The following IL17RA variants were observed in gnomAD, a reference collection of about 807,000 sequenced individuals.
The protein encoded by IL17RA is interleukin 17 receptor A.
Under a neutral mutation model 50.4 loss-of-function variants are expected in IL17RA, and 34 were observed. The observed-to-expected ratio is 0.67, with a 90% CI of 0.51 to 0.90. The LOEUF (loss-of-function observed/expected upper bound fraction) is 0.90, where lower values mean the gene tolerates loss of function less well. Among genes scored for constraint, IL17RA ranks in the 40% least tolerant of loss-of-function variants. The pLI is 0.00. For missense variants in IL17RA, 1,276 were observed against 1,169.8 expected, an observed-to-expected ratio of 1.09 and a Z score of -1.32; for synonymous variants, 585 against 510.4, an observed-to-expected ratio of 1.15 and a Z score of -1.97.
In IL17RA at chr22:17,105,571, T is replaced by C. The variant is rs2061410522; in HGVS notation, c.932-20T>C. ...GGGTTAAGAATGCTATTTTCCCTTTTTCCTCTGTTCTCATTGCAGAACCAA... is the reference window on the plus strand; with the variant it reads ...GGGTTAAGAATGCTATTTTCCCTTTCTCCTCTGTTCTCATTGCAGAACCAA... On this transcript the variant is annotated intron_variant, in intron 9 of 12. Coordinates refer to ENST00000319363, the MANE Select transcript of IL17RA (RefSeq NM_014339.7). The C allele has an allele frequency of 3.1e-6, 5 of 1,610,880 alleles. No homozygotes were observed. The Admixed American group carries it at 6.7e-5, about 21-fold the overall frequency.
rs1298128127 is a variant in IL17RA at position 17,109,561 on chromosome 22, C to A, written c.2342C>A (p.Pro781His). Residue 781 changes from proline to histidine, a missense_variant, in exon 13 of 13, where the codon CCC becomes CAC. Transcript: ENST00000319363. The stretch of plus-strand genomic sequence containing the variant: ...ATGGTCCTCACAGACCCACACACGC[C>A]CTACGAGGAGGAGCAGCGGCAGTCA... ...PAMVLTDPHT[P>H]YEEEQRQSVQ... 4 of 1,600,180 alleles carry A rather than the reference C, an allele frequency of 2.5e-6. No homozygotes were observed. In the South Asian group the frequency reaches 4.5e-5, roughly 18 times the overall value.
rs2061343463 is a variant in IL17RA at position 17,090,232 on chromosome 22, C to T, written c.138+5003C>T. ...GAGATGGGGTTTCACCGTTGTTGGC[C>T]AGGCCAGTCTCGAACTCCTGAGCTC... is the stretch of plus-strand genomic sequence containing the variant. On this transcript the variant is annotated intron_variant, in intron 1 of 12. Transcript: ENST00000319363. Among the ~76,000 whole-genome samples, 4 of 152,262 alleles carry T rather than the reference C, an allele frequency of 2.6e-5. No individual in the cohort carries two copies. The South Asian group carries it at 8.3e-4, about 32-fold the overall frequency.
At position 17,113,629 on chromosome 22, in the gene IL17RA, G is replaced by A. The variant is rs117367558; in HGVS notation, c.*3809G>A. 3.9e-5 allele frequency: 6 copies of A among 152,440 alleles called. No individual in the cohort carries two copies. The highest frequency in any genetic ancestry group is 8.8e-5 in the Non-Finnish European group (6 of 68,086). The allele number at this position is 152,440 out of a possible 1,614,324, so 9.4% of individuals were successfully genotyped here. A position where few individuals can be genotyped will look rare whatever the true frequency, so the allele number is the denominator to read the frequency against. ...GCTCCCCTTCCTAAATAAATGAGGT[G>A]TATGCAGGGCCCTCTTCTGCCTTAG... On this transcript the variant is annotated 3_prime_UTR_variant, in exon 13 of 13. Coordinates refer to ENST00000319363, the MANE Select transcript of IL17RA (RefSeq NM_014339.7).
Position 17,114,704 on chromosome 22 carries a change from GA to G in IL17RA, c.*4888del, listed in dbSNP as rs1404179270. On this transcript the variant is annotated 3_prime_UTR_variant, in exon 13 of 13. Coordinates refer to ENST00000319363, the MANE Select transcript of IL17RA (RefSeq NM_014339.7). ...GTGTCATGGGATTCTCTCAGAAGAT[GA>G]AAACAGCCCCTGCTTTTTTGCTAGA... is the stretch of plus-strand genomic sequence containing the variant. The G allele has an allele frequency of 6.6e-5, 10 of 152,180 alleles. No individual in the cohort carries two copies. The highest frequency in any genetic ancestry group is 2.4e-4 in the African/African-American group (10 of 41,438). The allele number at this position is 152,180 out of a possible 1,614,324, so 9.4% of individuals were successfully genotyped here.
At position 17,108,493 on chromosome 22, in the gene IL17RA, T is replaced by G. The variant is rs2061423269; in HGVS notation, c.1274T>G (p.Val425Gly). Reference protein sequence around the residue: ...LEEQAISEAGVMTWVGRQKQE... With the variant: ...LEEQAISEAGGMTWVGRQKQE... ...GAGCAGGCCATCTCGGAGGCAGGAG[T>G]CATGACCTGGGTGGGCCGTCAGAAG... The change falls in exon 13 of 13, where the codon GTC becomes GGC. Residue 425 changes from valine to glycine, a missense_variant. Val to Gly is a moderately radical substitution (Grantham distance 109). Transcript: ENST00000319363. 17 of 1,612,760 alleles carry G rather than the reference T, an allele frequency of 1.1e-5. No individual in the cohort carries two copies. Among genetic ancestry groups the G allele is most frequent in the Non-Finnish European group, 1.4e-5 (17 of 1,179,932 alleles).
At chr22:17,100,240 T>A in intron 4 of IL17RA, 115 bp from the exon 5 acceptor site, 1 of 1,303,336 alleles carries the variant, frequency 7.7e-7, no homozygotes, top group Non-Finnish European at 1.1e-6. Context: ...GTTGTTGCTT[T>A]GTTCTTATTT....
In IL17RA at chr22:17,094,652, ACACACTCTCTCTCT is replaced by A. The variant is rs1483280964; in HGVS notation, c.139-2408_139-2395del. ...TGTTTCTATTCTCATTTAGTCATAC[ACACACTCTCTCTCT>A]CTCTCTCTCTCTCTCTCTCTCTCTC... On this transcript the variant is annotated intron_variant, in intron 1 of 12. Coordinates refer to ENST00000319363, the MANE Select transcript of IL17RA (RefSeq NM_014339.7). Among the ~76,000 whole-genome samples, 17 of 17,704 alleles carry A rather than the reference ACACACTCTCTCTCT, an allele frequency of 9.6e-4. 4 individuals are homozygous for A. Among genetic ancestry groups the A allele is most frequent in the Admixed American group, 2.9e-3 (7 of 2,432 alleles). The allele number at this position is 17,704 out of a possible 152,430, so 11.6% of individuals were successfully genotyped here. A position where few individuals can be genotyped will look rare whatever the true frequency, so the allele number is the denominator to read the frequency against.
intron 1 of IL17RA, among the ~76,000 whole-genome samples, chr22:17,091,149 T>G (rs1038756029): frequency 3.9e-5 from 6 of 152,216 alleles, no homozygotes; most frequent in African/African-American, 7.2e-5. Flanking sequence ...CTCATTTTGC[T>G]GGAGAATATC....
At chr22:17,105,511 G>T (rs1339980348) in intron 9 of IL17RA, 80 bp from the exon 10 acceptor site, 53 of 1,405,094 alleles carry the variant, frequency 3.8e-5, no homozygotes, top group Non-Finnish European at 5.3e-5. Flanking sequence ...AAGCCCTCAA[G>T]GGACGTCAGT....
At chr22:17,102,957 C>T (rs2061397137) in intron 7 of IL17RA, among the ~76,000 whole-genome samples, 3 of 152,156 alleles carry the variant, frequency 2.0e-5, no homozygotes, top group Admixed American at 2.0e-4. Flanking sequence ...GCCTGACCAA[C>T]ATGATGAAAC....
intron 11 of IL17RA, 71 bp from the exon 12 acceptor site, chr22:17,107,656 A>G (rs1354884959): frequency 7.5e-7 from 1 of 1,326,428 alleles, no homozygotes; most frequent in African/African-American, 1.4e-5. Flanking sequence ...GGGATGGGGC[A>G]GACACCCTGT....
At chr22:17,101,185 T>G (rs2061390011) in intron 5 of IL17RA, among the ~76,000 whole-genome samples, 1 of 152,190 alleles carries the variant, frequency 6.6e-6, no homozygotes, top group Non-Finnish European at 1.5e-5. Context: ...TCTCTACAAT[T>G]CTCTGTCCAT....
chr22:17,096,786 C>T (rs2061369761), intron 1 of IL17RA, among the ~76,000 whole-genome samples: 1 of 150,686 alleles, frequency 6.6e-6, no homozygotes, highest in South Asian at 2.1e-4. Flanking sequence ...AGGAGAATGG[C>T]GTGAACCCGG....
intron 1 of IL17RA, among the ~76,000 whole-genome samples, chr22:17,085,499 G>T (rs1568914307): frequency 6.6e-6 from 1 of 152,150 alleles, no homozygotes; most frequent in Non-Finnish European, 1.5e-5. Context: ...GTCGTGACTG[G>T]AGGCGGGAGT....
At chr22:17,105,513 G>T in intron 9 of IL17RA, 78 bp from the exon 10 acceptor site, 1 of 1,410,940 alleles carries the variant, frequency 7.1e-7, no homozygotes, top group Non-Finnish European at 1.0e-6. Flanking sequence ...GCCCTCAAGG[G>T]ACGTCAGTTG....
At chr22:17,103,441 A>C (rs1251604918) in intron 7 of IL17RA, 53 bp from the exon 8 acceptor site, 4 of 1,483,336 alleles carry the variant, frequency 2.7e-6, no homozygotes, top group South Asian at 1.2e-5. Flanking sequence ...GTTCTTACCC[A>C]ACTAGCCTTA....
chr22:17,105,721 G>GGT (rs1555874490), intron 10 of IL17RA, 119 bp downstream of exon 10: 1 of 1,277,296 alleles, frequency 7.8e-7, no homozygotes, highest in African/African-American at 2.4e-5. Context: ...AGCCCGGGGT[G>GGT]GGGGGTGAGA....
At position 17,113,992 on chromosome 22, in the gene IL17RA, C is replaced by G. The variant is rs189600087; in HGVS notation, c.*4172C>G. The G allele has an allele frequency of 1.6e-4, 25 of 152,178 alleles. No individual in the cohort carries two copies. The highest frequency in any genetic ancestry group is 8.5e-4 in the Admixed American group (13 of 15,282). 9.4% of individuals were successfully genotyped at this position (152,178 alleles called of 1,614,324 possible). ...TCTTTCCCTGCTATTAGGTATTGCTCTCTTCCTCCGGTGTTTGCCTTTTCA... is the reference window on the plus strand; with the variant it reads ...TCTTTCCCTGCTATTAGGTATTGCTGTCTTCCTCCGGTGTTTGCCTTTTCA... On this transcript the variant is annotated 3_prime_UTR_variant, in exon 13 of 13. Coordinates refer to ENST00000319363, the MANE Select transcript of IL17RA (RefSeq NM_014339.7).
Position 17,109,700 on chromosome 22 carries a change from ACT to A in IL17RA, c.2487_2488del (p.Pro830ArgfsTer50). 1.3e-6 allele frequency: 2 copies of A among 1,593,380 alleles called. No individual in the cohort carries two copies. The highest frequency in any genetic ancestry group is 1.7e-6 in the Non-Finnish European group (2 of 1,170,950). Reference sequence around the variant, plus strand: ...AGGACCCAGGGAAGCCGGCCCTGCCACTCTCTCCCGAGGACCTGGAGAGCCTG... The same window carrying A: ...AGGACCCAGGGAAGCCGGCCCTGCCACTCTCCCGAGGACCTGGAGAGCCTG... ...EQDPGKPALP[L>X]SPEDLESLRS... On this transcript the variant is annotated frameshift_variant, in exon 13 of 13. Transcript: ENST00000319363. LOFTEE classifies it low-confidence loss of function (END_TRUNC).
Sources: gnomAD v4.1 joint callset for allele counts (sites outside exome capture counted in the v4.1 genomes callset) on GRCh38, gnomAD v4.1.1 for gene constraint, MANE v1.5 for transcripts, NCBI Gene and HGNC (gene_info 2026-07-23, HGNC 2026-07-21) for gene names.